Variants in LRRC1 observed in about 807,000 individuals in gnomAD.
The protein encoded by LRRC1 is leucine rich repeat containing 1.
LRRC1 carries 28 observed loss-of-function variants against 69.9 expected under a neutral mutation model. That is an observed-to-expected ratio of 0.40 (90% CI 0.30 to 0.55). LRRC1 has a LOEUF of 0.55. Among genes scored for constraint, LRRC1 ranks in the 20% least tolerant of loss-of-function variants. The pLI is 0.47. For missense variants in LRRC1, 498 were observed against 609.0 expected (o/e 0.82, Z 1.92); for synonymous variants, 236 against 240.2 (o/e 0.98, Z 0.16).
intron 8 of LRRC1, 32 bp from the exon 9 acceptor site, chr6:53,902,597 A>G: frequency 1.5e-6 from 2 of 1,294,648 alleles, no homozygotes; most frequent in Middle Eastern, 1.9e-4. Context: ...TAACTAATGA[A>G]TTTGATAATA....
At chr6:53,888,373 T>G (rs928357796) in intron 4 of LRRC1, among the ~76,000 whole-genome samples, 7 of 152,200 alleles carry the variant, frequency 4.6e-5, no homozygotes, top group Non-Finnish European at 8.8e-5. Context: ...CAAAAAAGTA[T>G]AAAATTCTTA....
At chr6:53,867,208 A>G (rs569498038) in intron 2 of LRRC1, among the ~76,000 whole-genome samples, 143 of 152,060 alleles carry the variant, frequency 9.4e-4, no homozygotes, top group Non-Finnish European at 1.8e-3. Context: ...GTGAAGGTTT[A>G]AATGAGTTCA....
intron 10 of LRRC1, among the ~76,000 whole-genome samples, chr6:53,907,234 A>G (rs140616218): frequency 1.2e-3 from 186 of 152,332 alleles, no homozygotes; most frequent in African/African-American, 4.1e-3. Context: ...GTTAAGTTGC[A>G]TACATATCTA....
chr6:53,809,218 A>G (rs1764721886), intron 1 of LRRC1, among the ~76,000 whole-genome samples: 1 of 152,218 alleles, frequency 6.6e-6, no homozygotes, highest in Non-Finnish European at 1.5e-5. Context: ...TCTTGACTGT[A>G]AAGGTCAGTA....
At chr6:53,853,637 G>C (rs1766217164) in intron 2 of LRRC1, among the ~76,000 whole-genome samples, 1 of 152,156 alleles carries the variant, frequency 6.6e-6, no homozygotes, top group African/African-American at 2.4e-5. Flanking sequence ...AAGTAGAAGA[G>C]CTTTCACAGA....
Position 53,869,719 on chromosome 6 carries a change from G to A in LRRC1, c.278-9274G>A, listed in dbSNP as rs948247188. On this transcript the variant is annotated intron_variant, in intron 2 of 13. Coordinates refer to ENST00000370888, the MANE Select transcript of LRRC1 (RefSeq NM_018214.5). ...CTCTTCCCAGAGACCTTAGAGTTTA[G>A]TAAGGGAGATTTACCATCATCAAAC... 2.7e-5 allele frequency among the ~76,000 whole-genome samples: 4 copies of A among 148,996 alleles called. No individual in the cohort carries two copies. In the East Asian group the frequency reaches 7.8e-4, roughly 29 times the overall value.
chr6:53,854,650 A>G (rs1766252554), intron 2 of LRRC1, among the ~76,000 whole-genome samples: 1 of 152,338 alleles, frequency 6.6e-6, no homozygotes. Flanking sequence ...ATTTTGTCTC[A>G]AGTTTGTTGA....
chr6:53,861,040 G>A (rs77445571), intron 2 of LRRC1, among the ~76,000 whole-genome samples: 2,217 of 152,216 alleles, frequency 0.015, 40 homozygotes, highest in East Asian at 0.041. Flanking sequence ...AGGGTGACGG[G>A]TGAGAGAAGG....
chr6:53,840,921 T>C (rs1264973002), intron 1 of LRRC1, among the ~76,000 whole-genome samples: 1 of 144,988 alleles, frequency 6.9e-6, no homozygotes, highest in Non-Finnish European at 1.5e-5. Context: ...TGTGTGTGTG[T>C]GTGTGTGCGT....
chr6:53,891,818 C>G (rs911318284), intron 4 of LRRC1, among the ~76,000 whole-genome samples: 2 of 151,688 alleles, frequency 1.3e-5, no homozygotes, highest in African/African-American at 4.8e-5. Context: ...CTGGTGAAAC[C>G]CCATCTCTAC....
Position 53,823,327 on chromosome 6 carries a change from A to T in LRRC1, c.160-18783A>T, listed in dbSNP as rs115299703. ...ATTAAAGAACTTAATATATTGCAGC[A>T]TGGATCCTTATGAAAAAGACAAGTT... On this transcript the variant is annotated intron_variant, in intron 1 of 13. Transcript: ENST00000370888. 3.9e-5 allele frequency among the ~76,000 whole-genome samples: 6 copies of T among 152,228 alleles called. No individual in the cohort carries two copies. In the East Asian group the frequency reaches 5.8e-4, roughly 15 times the overall value.
chr6:53,920,961 G>GTTTTTTTTTTTTTTTTTTTTTTT (rs201940946), intron 13 of LRRC1, among the ~76,000 whole-genome samples, 200 bp downstream of exon 13: 1 of 147,690 alleles, frequency 6.8e-6, no homozygotes, highest in Non-Finnish European at 1.5e-5. Flanking sequence ...GAACTCATGG[G>GTTTTTTTTTTTTTTTTTTTTTTT]TTTTTTTTTT....
chr6:53,801,425 G>C (rs1041646481), intron 1 of LRRC1, among the ~76,000 whole-genome samples: 4 of 152,128 alleles, frequency 2.6e-5, no homozygotes, highest in Admixed American at 6.5e-5. Flanking sequence ...TTTTATGTTT[G>C]GACATACTTC....
chr6:53,854,556 G>A (rs1006275145), intron 2 of LRRC1, among the ~76,000 whole-genome samples: 9 of 152,046 alleles, frequency 5.9e-5, no homozygotes, highest in Non-Finnish European at 1.2e-4. Flanking sequence ...CGAGAAATAA[G>A]CTTGCCATCT....
chr6:53,908,263 A>G (rs749145906), intron 10 of LRRC1, among the ~76,000 whole-genome samples: 2 of 152,202 alleles, frequency 1.3e-5, no homozygotes, highest in Non-Finnish European at 2.9e-5. Context: ...GTCTCCATTA[A>G]GTCCAAATGA....
intron 11 of LRRC1, among the ~76,000 whole-genome samples, chr6:53,915,435 C>G (rs1768534668): frequency 1.3e-5 from 2 of 152,132 alleles, no homozygotes; most frequent in Admixed American, 1.3e-4. Context: ...TGAGTTGAAC[C>G]TCGGATTTCT....
chr6:53,909,995 A>G (rs571536438), intron 10 of LRRC1, among the ~76,000 whole-genome samples: 4 of 152,282 alleles, frequency 2.6e-5, no homozygotes, highest in Admixed American at 2.6e-4. Flanking sequence ...CTGTCTCATG[A>G]TCTCCTCCTT....
intron 1 of LRRC1, among the ~76,000 whole-genome samples, chr6:53,829,772 C>T (rs542697889): frequency 1.2e-4 from 18 of 152,210 alleles, no homozygotes; most frequent in African/African-American, 4.1e-4. Context: ...GGGAGCTTAC[C>T]GAGAACGGAT....
rs767642654 is a variant in LRRC1 at position 53,919,490 on chromosome 6, A to AAC, written c.1107-7_1107-6insCA. 2.0e-5 allele frequency: 31 copies of AAC among 1,514,758 alleles called. No individual in the cohort carries two copies. Among genetic ancestry groups the AAC allele is most frequent in the South Asian group, 1.7e-4 (13 of 76,000 alleles). The allele number at this position is 1,514,758 out of a possible 1,614,324, so 93.8% of individuals were successfully genotyped here. A position where few individuals can be genotyped will look rare whatever the true frequency, so the allele number is the denominator to read the frequency against. ...TGTCTCTTTTTTTAAAAAAAAAAAA[A>AAC]AAAACAGGTTGCTGCATCTACCTTT... On this transcript the variant is annotated splice_polypyrimidine_tract_variant and splice_region_variant and intron_variant, in intron 11 of 13. Coordinates refer to ENST00000370888, the MANE Select transcript of LRRC1 (RefSeq NM_018214.5).
Sources: allele counts gnomAD v4.1 joint callset (sites outside exome capture counted in the v4.1 genomes callset), GRCh38; gene constraint gnomAD v4.1.1; transcripts MANE v1.5; gene names NCBI Gene and HGNC (gene_info 2026-07-23, HGNC 2026-07-21).